The following TNS3 variants were observed in gnomAD, a reference collection of about 807,000 sequenced individuals.
TNS3 encodes the protein tensin-3.
TNS3 carries 45 observed loss-of-function variants against 140.9 expected under a neutral mutation model. The observed-to-expected ratio is 0.32, with a 90% CI of 0.25 to 0.41. The LOEUF is 0.41. Among genes scored for constraint, TNS3 ranks in the 10% least tolerant of loss-of-function variants. The pLI, the probability that TNS3 is intolerant of heterozygous loss-of-function variation, is 1.00. For missense variants in TNS3, 1,716 were observed against 1,906.7 expected (o/e 0.90, Z 1.86); for synonymous variants, 815 against 788.4 (o/e 1.03, Z -0.56).
chr7:47,555,640 G>GA (rs961159718), intron 1 of TNS3, among the ~76,000 whole-genome samples: 1 of 152,168 alleles, frequency 6.6e-6, no homozygotes, highest in African/African-American at 2.4e-5. Context: ...AGTAGCTACT[G>GA]ATCCGTCCAA....
intron 1 of TNS3, among the ~76,000 whole-genome samples, chr7:47,561,749 AAC>A (rs1800323628): frequency 6.6e-6 from 1 of 152,212 alleles, no homozygotes; most frequent in Admixed American, 6.5e-5. Context: ...TCTATTTCCT[AAC>A]CCTGGCATCC....
chr7:47,475,614 A>G (rs1797166658), intron 4 of TNS3, among the ~76,000 whole-genome samples: 3 of 152,216 alleles, frequency 2.0e-5, no homozygotes, highest in Admixed American at 2.0e-4. Context: ...GGTCCCATAC[A>G]TGGCCTCGGG....
chr7:47,401,691 G>C (rs969006860), intron 13 of TNS3, among the ~76,000 whole-genome samples: 3 of 152,228 alleles, frequency 2.0e-5, no homozygotes, highest in Non-Finnish European at 4.4e-5. Context: ...GTCCTGACCT[G>C]CCTGTATAAC....
At chr7:47,570,861 T>C (rs1028185307) in intron 1 of TNS3, among the ~76,000 whole-genome samples, 1 of 152,060 alleles carries the variant, frequency 6.6e-6, no homozygotes, top group Admixed American at 6.6e-5. Context: ...TTCTTGTCCT[T>C]GGAGGAATTC....
At chr7:47,302,922 C>T in intron 22 of TNS3, 28 bp downstream of exon 22, 1 of 1,567,942 alleles carries the variant, frequency 6.4e-7, no homozygotes. Flanking sequence ...ACAGAGGGGC[C>T]CTTCCAACCA....
At chr7:47,448,359 C>A (rs1795852834) in intron 4 of TNS3, among the ~76,000 whole-genome samples, 1 of 152,220 alleles carries the variant, frequency 6.6e-6, no homozygotes, top group South Asian at 2.1e-4. Context: ...GGGGTGGGAT[C>A]CCAGCTGGTT....
chr7:47,429,667 A>G (rs117201047), intron 8 of TNS3, among the ~76,000 whole-genome samples: 4,717 of 152,202 alleles, frequency 0.031, 169 homozygotes, highest in East Asian at 0.14. Flanking sequence ...GAGCCACCGC[A>G]CCCGGCCTAA....
At chr7:47,381,711 T>C (rs1163306161) in intron 16 of TNS3, among the ~76,000 whole-genome samples, 1 of 152,180 alleles carries the variant, frequency 6.6e-6, no homozygotes, top group Non-Finnish European at 1.5e-5. Flanking sequence ...GAGGTTAAGG[T>C]AAAACTCAGC....
intron 1 of TNS3, among the ~76,000 whole-genome samples, chr7:47,530,838 A>AAATATATATATATAT: frequency 1.1e-3 from 59 of 54,478 alleles, no homozygotes; most frequent in South Asian, 3.6e-3. Flanking sequence ...AAAAAAAAAA[A>AAATATATATATATAT]ATATATATAT....
At chr7:47,406,362 T>G (rs2151380115) in intron 13 of TNS3, among the ~76,000 whole-genome samples, 1 of 152,282 alleles carries the variant, frequency 6.6e-6, no homozygotes, top group African/African-American at 2.4e-5. Context: ...CAAGTGGGGC[T>G]CTGTTTTCCC....
chr7:47,382,127 C>T (rs1791802612), intron 16 of TNS3, among the ~76,000 whole-genome samples: 1 of 152,128 alleles, frequency 6.6e-6, no homozygotes, highest in South Asian at 2.1e-4. Flanking sequence ...AAAGCAACGG[C>T]CAAGGTACCT....
chr7:47,563,899 G>C (rs1160268638), intron 1 of TNS3, among the ~76,000 whole-genome samples: 1 of 152,132 alleles, frequency 6.6e-6, no homozygotes. Flanking sequence ...TTTTACATAT[G>C]ATTAACATTT....
intron 4 of TNS3, among the ~76,000 whole-genome samples, chr7:47,480,249 T>C (rs1797366505): frequency 6.6e-6 from 1 of 152,206 alleles, no homozygotes; most frequent in Non-Finnish European, 1.5e-5. Flanking sequence ...AGCCCTGCCC[T>C]ACTTGAGAAG....
At chr7:47,574,651 C>A (rs79815009) in intron 1 of TNS3, among the ~76,000 whole-genome samples, 7,436 of 136,908 alleles carry the variant, frequency 0.054, 567 homozygotes, top group African/African-American at 0.18. Context: ...ACACACACCC[C>A]CACACACACG....
chr7:47,343,809 T>C (rs1789158287), intron 20 of TNS3, among the ~76,000 whole-genome samples: 1 of 152,224 alleles, frequency 6.6e-6, no homozygotes, highest in Non-Finnish European at 1.5e-5. Context: ...TGCTATATGC[T>C]ACATATGAAG....
intron 4 of TNS3, among the ~76,000 whole-genome samples, chr7:47,456,490 G>A (rs1284243169): frequency 6.6e-6 from 1 of 152,174 alleles, no homozygotes; most frequent in Non-Finnish European, 1.5e-5. Context: ...AGCATGCAAA[G>A]TGCTTAATAC....
rs868369049 is a variant in TNS3 at position 47,353,989 on chromosome 7, C to A, written c.2282-7633G>T. 6.2e-3 allele frequency among the ~76,000 whole-genome samples: 596 copies of A among 96,158 alleles called. 1 individual carries two copies. Among genetic ancestry groups the A allele is most frequent in the African/African-American group, 0.022 (557 of 24,900 alleles). 63.1% of individuals were successfully genotyped at this position (96,158 alleles called of 152,430 possible). On this transcript the variant is annotated intron_variant, in intron 17 of 30. Transcript: ENST00000311160. Reference sequence around the variant, plus strand: ...GAAACAAACAAACAAACACAGAGGACAAAACACACACACACACACACACAC... The same window carrying A: ...GAAACAAACAAACAAACACAGAGGAAAAAACACACACACACACACACACAC...
intron 16 of TNS3, among the ~76,000 whole-genome samples, chr7:47,374,210 A>AG (rs1357885611): frequency 2.0e-5 from 3 of 152,222 alleles, no homozygotes; most frequent in African/African-American, 7.2e-5. Flanking sequence ...GATCCAGGGA[A>AG]CATTTGAACA....
chr7:47,336,437 T>C (rs1184947864), intron 20 of TNS3, among the ~76,000 whole-genome samples: 1 of 152,260 alleles, frequency 6.6e-6, no homozygotes, highest in East Asian at 1.9e-4. Context: ...CCTTGGCTTC[T>C]GTTAGTCACA....
Sources: gnomAD v4.1 joint callset for allele counts (sites outside exome capture counted in the v4.1 genomes callset) on GRCh38, gnomAD v4.1.1 for gene constraint, MANE v1.5 for transcripts, NCBI Gene and HGNC (gene_info 2026-07-23, HGNC 2026-07-21) for gene names.